CDH18: variants seen among roughly 807,000 people sequenced by gnomAD.
The protein encoded by CDH18 is cadherin 18, also known as cadherin-18.
Under a neutral mutation model 67.9 loss-of-function variants are expected in CDH18, and 31 were observed. The observed-to-expected ratio is 0.46, with a 90% CI of 0.34 to 0.62. The LOEUF is 0.62. CDH18 is among the 20% of genes least tolerant of loss of function. CDH18 has a pLI of 0.01. For missense variants in CDH18, 890 were observed against 975.5 expected (o/e 0.91, Z 1.17); for synonymous variants, 362 against 347.2 (o/e 1.04, Z -0.48).
At chr5:19,711,699 G>A (rs564980069) in intron 5 of CDH18, among the ~76,000 whole-genome samples, 4 of 147,908 alleles carry the variant, frequency 2.7e-5, no homozygotes, top group African/African-American at 1.0e-4. Context: ...AGAGAAAAGG[G>A]AATGTTTATA....
chr5:20,143,828 A>C (rs1750429552), intron 2 of CDH18, among the ~76,000 whole-genome samples: 1 of 152,278 alleles, frequency 6.6e-6, no homozygotes, highest in South Asian at 2.1e-4. Context: ...CAGATCGCAT[A>C]CCGTGGAAAC....
At chr5:20,347,618 C>T (rs902581463) in intron 1 of CDH18, among the ~76,000 whole-genome samples, 1 of 152,210 alleles carries the variant, frequency 6.6e-6, no homozygotes, top group Non-Finnish European at 1.5e-5. Flanking sequence ...ACTGTCCCAA[C>T]TTAGGGGCAG....
rs1006756284 is a variant in CDH18 at position 20,304,562 on chromosome 5, G to T, written c.-579-49057C>A. The T allele has an allele frequency of 1.1e-5, 18 of 1,611,224 alleles. No individual in the cohort carries two copies. In the African/African-American group the frequency reaches 2.3e-4, roughly 20 times the overall value. On this transcript the variant is annotated intron_variant, in intron 1 of 14. Coordinates refer to the CDH18 transcript ENST00000507958. ...TTGCCAAATAAACTGGAGTTTCCAG[G>T]GGAGAATGAAAATCCAGTCAGGGGG...
chr5:19,836,793 T>C (rs1386857828), intron 3 of CDH18, among the ~76,000 whole-genome samples: 1 of 152,186 alleles, frequency 6.6e-6, no homozygotes, highest in Admixed American at 6.6e-5. Context: ...AGGGTTTTTA[T>C]GGTTATAGGT....
At chr5:20,243,327 A>G (rs1743131788) in intron 2 of CDH18, among the ~76,000 whole-genome samples, 1 of 152,206 alleles carries the variant, frequency 6.6e-6, no homozygotes, top group Non-Finnish European at 1.5e-5. Context: ...AAAATCCTAC[A>G]TAAAGGATTA....
intron 3 of CDH18, among the ~76,000 whole-genome samples, chr5:19,748,145 T>C (rs929934829): frequency 1.7e-5 from 1 of 59,594 alleles, no homozygotes; most frequent in Non-Finnish European, 4.8e-5. Context: ...AGTACTTTTT[T>C]AGGGATAGAG....
intron 2 of CDH18, among the ~76,000 whole-genome samples, chr5:20,072,231 T>G (rs1005982091): frequency 1.3e-5 from 2 of 152,026 alleles, no homozygotes; most frequent in African/African-American, 4.8e-5. Context: ...TCAGGAACCA[T>G]CTGCAGGAAA....
At chr5:19,668,442 G>C (rs1004538281) in intron 5 of CDH18, among the ~76,000 whole-genome samples, 18 of 151,758 alleles carry the variant, frequency 1.2e-4, no homozygotes, top group African/African-American at 4.1e-4. Context: ...TCTGTTTTAG[G>C]GCACTATGAT....
chr5:19,476,134 G>A (rs1304772594), intron 12 of CDH18, among the ~76,000 whole-genome samples: 2 of 151,934 alleles, frequency 1.3e-5, no homozygotes, highest in East Asian at 3.9e-4. Context: ...GCAAATGGGA[G>A]ACTATGAAGG....
chr5:20,183,783 T>G (rs1037032122), intron 2 of CDH18, among the ~76,000 whole-genome samples: 1 of 152,122 alleles, frequency 6.6e-6, no homozygotes, highest in Admixed American at 6.6e-5. Flanking sequence ...GCAGACTGTT[T>G]TGCATTAAAT....
chr5:20,332,592 A>C (rs1739282384), intron 1 of CDH18, among the ~76,000 whole-genome samples: 1 of 152,152 alleles, frequency 6.6e-6, no homozygotes, highest in South Asian at 2.1e-4. Context: ...GTATAATGAA[A>C]CTCTATACCA....
intron 2 of CDH18, among the ~76,000 whole-genome samples, chr5:19,852,532 A>T (rs1348818503): frequency 6.6e-6 from 1 of 152,008 alleles, no homozygotes; most frequent in African/African-American, 2.4e-5. Context: ...GAAAGTCATG[A>T]GGTTTCTAAA....
At chr5:19,561,468 A>T (rs1739440712) in intron 8 of CDH18, among the ~76,000 whole-genome samples, 1 of 152,086 alleles carries the variant, frequency 6.6e-6, no homozygotes, top group African/African-American at 2.4e-5. Flanking sequence ...TGAGGATGCA[A>T]AGGCACAAGA....
At chr5:19,545,237 A>G (rs1041835225) in intron 8 of CDH18, among the ~76,000 whole-genome samples, 1 of 152,168 alleles carries the variant, frequency 6.6e-6, no homozygotes, top group Non-Finnish European at 1.5e-5. Context: ...GTGCTAGGGA[A>G]GAATATATGA....
chr5:20,076,170 ATG>A (rs1177840189), intron 2 of CDH18, among the ~76,000 whole-genome samples: 1 of 152,116 alleles, frequency 6.6e-6, no homozygotes, highest in African/African-American at 2.4e-5. Flanking sequence ...GTTGTTTTAT[ATG>A]TGTTATACAA....
intron 3 of CDH18, among the ~76,000 whole-genome samples, chr5:19,816,849 A>T (rs557096966): frequency 6.6e-6 from 1 of 151,828 alleles, no homozygotes; most frequent in Non-Finnish European, 1.5e-5. Flanking sequence ...GGTCAAACAA[A>T]ATATAATTTC....
intron 1 of CDH18, among the ~76,000 whole-genome samples, chr5:20,326,071 T>C (rs1240320269): frequency 1.3e-5 from 2 of 152,234 alleles, no homozygotes; most frequent in South Asian, 2.1e-4. Flanking sequence ...TTACTCTAGA[T>C]ACTCTTTCTG....
At chr5:19,522,091 G>T (rs1746990313) in intron 9 of CDH18, among the ~76,000 whole-genome samples, 1 of 151,958 alleles carries the variant, frequency 6.6e-6, no homozygotes, top group Non-Finnish European at 1.5e-5. Flanking sequence ...AAAAAAGACG[G>T]AAGAGGTACA....
intron 2 of CDH18, among the ~76,000 whole-genome samples, chr5:19,927,025 G>T (rs192450639): frequency 1.8e-3 from 276 of 152,206 alleles, no homozygotes; most frequent in Non-Finnish European, 3.3e-3. Flanking sequence ...GTTTTAGTCA[G>T]TTGCCATACT....
Sources: gnomAD v4.1 joint callset for allele counts (sites outside exome capture counted in the v4.1 genomes callset) on GRCh38, gnomAD v4.1.1 for gene constraint, MANE v1.5 for transcripts, NCBI Gene and HGNC (gene_info 2026-07-23, HGNC 2026-07-21) for gene names.